Variants in PCDHA10 observed in about 807,000 individuals in gnomAD.
The protein encoded by PCDHA10 is protocadherin alpha-10.
A neutral mutation model predicts 61.2 loss-of-function variants in PCDHA10; 45 were observed. The observed-to-expected ratio is 0.74, with a 90% confidence interval of 0.58 to 0.94. The LOEUF (loss-of-function observed/expected upper bound fraction) is 0.94, where lower values mean the gene tolerates loss of function less well. Ranked by LOEUF, PCDHA10 falls within the 40% of genes least tolerant of loss-of-function variation. The pLI, the probability that PCDHA10 is intolerant of heterozygous loss-of-function variation, is 0.00. For missense variants in PCDHA10, 1,278 were observed against 1,236.2 expected (o/e 1.03, Z -0.51); for synonymous variants, 602 against 548.8 (o/e 1.10, Z -1.35).
intron 1 of PCDHA10, among the ~76,000 whole-genome samples, chr5:140,911,178 G>A (rs1227283843): frequency 1.3e-5 from 2 of 152,196 alleles, no homozygotes; most frequent in Non-Finnish European, 2.9e-5. Flanking sequence ...TGATGGCAGT[G>A]TGGGTTGGGG....
chr5:140,978,061 A>G (rs1307101965), intron 1 of PCDHA10, among the ~76,000 whole-genome samples: 1 of 152,202 alleles, frequency 6.6e-6, no homozygotes, highest in Non-Finnish European at 1.5e-5. Flanking sequence ...ATGATGTCCC[A>G]GTGATTTCTG....
chr5:140,887,769 T>A (rs1012351831), intron 1 of PCDHA10, among the ~76,000 whole-genome samples: 23 of 152,212 alleles, frequency 1.5e-4, no homozygotes, highest in African/African-American at 5.5e-4. Flanking sequence ...TATGTTACAA[T>A]GACACAGGTC....
At chr5:140,870,161 CCTT>C in intron 1 of PCDHA10, 2 of 1,614,124 alleles carry the variant, frequency 1.2e-6, no homozygotes, top group Non-Finnish European at 1.7e-6. Flanking sequence ...GCCGTGACTT[CCTT>C]GTCCCTCCCA....
intron 1 of PCDHA10, among the ~76,000 whole-genome samples, chr5:140,965,923 G>T (rs1418904178): frequency 1.3e-5 from 2 of 152,232 alleles, no homozygotes; most frequent in African/African-American, 4.8e-5. Context: ...TTTTAGGCTT[G>T]CTCCCGGAAA....
Position 140,895,899 on chromosome 5 carries a change from C to T in PCDHA10, c.2388+37463C>T, listed in dbSNP as rs181661173. Among the ~76,000 whole-genome samples, 21 of 152,308 alleles carry T rather than the reference C, an allele frequency of 1.4e-4. No homozygotes were observed. The East Asian group carries it at 2.5e-3, about 18-fold the overall frequency. ...CGATCTCGGCTCACTGCAACCTCCGCGTCCCGGGCTCAACAATTATCCTGC... is the reference window on the plus strand; with the variant it reads ...CGATCTCGGCTCACTGCAACCTCCGTGTCCCGGGCTCAACAATTATCCTGC... On this transcript the variant is annotated intron_variant, in intron 1 of 3. Transcript: ENST00000307360.
intron 3 of PCDHA10, among the ~76,000 whole-genome samples, chr5:141,003,468 C>T (rs2098126270): frequency 6.6e-6 from 1 of 152,066 alleles, no homozygotes; most frequent in Non-Finnish European, 1.5e-5. Context: ...TGCACCACCA[C>T]AGTCTCGCTA....
intron 3 of PCDHA10, among the ~76,000 whole-genome samples, chr5:140,994,862 G>A (rs1434007632): frequency 1.3e-5 from 2 of 152,174 alleles, no homozygotes; most frequent in African/African-American, 4.8e-5. Flanking sequence ...TTTGATGGAT[G>A]TGGTAGAATA....
chr5:140,866,304 A>G (rs898524631), intron 1 of PCDHA10: 16 of 152,138 alleles, frequency 1.1e-4, no homozygotes, highest in African/African-American at 3.6e-4. Flanking sequence ...AGATGTTGAT[A>G]TTATTATTTC....
intron 1 of PCDHA10, among the ~76,000 whole-genome samples, chr5:140,938,740 A>T (rs1308554709): frequency 1.3e-5 from 2 of 152,150 alleles, no homozygotes; most frequent in East Asian, 3.8e-4. Flanking sequence ...AAAAATAATT[A>T]TTTTTAAAGG....
chr5:140,882,868 G>A (rs1283664390), intron 1 of PCDHA10: 25 of 1,614,184 alleles, frequency 1.5e-5, no homozygotes, highest in Middle Eastern at 1.6e-4. Context: ...GGAAAACACT[G>A]GACAGAGAGG....
chr5:140,967,212 C>T, intron 1 of PCDHA10: 1 of 1,613,630 alleles, frequency 6.2e-7, no homozygotes, highest in Middle Eastern at 1.6e-4. Flanking sequence ...CCGCGTTTCC[C>T]GCGGCCCAAC....
At chr5:140,945,125 T>G (rs405192) in intron 1 of PCDHA10, among the ~76,000 whole-genome samples, 86,337 of 151,830 alleles carry the variant, frequency 0.57, 25,231 homozygotes, top group African/African-American at 0.71. Flanking sequence ...AAAAATCAAC[T>G]TACAAAAATC....
intron 1 of PCDHA10, chr5:140,930,181 T>C (rs1170637205): frequency 2.0e-5 from 3 of 152,216 alleles, no homozygotes; most frequent in African/African-American, 7.2e-5. Flanking sequence ...AGAGGAAAGA[T>C]GAGTAATTTT....
chr5:140,999,603 G>C (rs552647484), intron 3 of PCDHA10, among the ~76,000 whole-genome samples: 1 of 152,246 alleles, frequency 6.6e-6, no homozygotes, highest in South Asian at 2.1e-4. Flanking sequence ...TACATCCTGG[G>C]GGACCTTATC....
At chr5:140,862,919 T>C (rs782169280) in intron 1 of PCDHA10, 73 of 546,740 alleles carry the variant, frequency 1.3e-4, no homozygotes, top group Non-Finnish European at 2.4e-4. Flanking sequence ...GCGCCTTGGG[T>C]GGGCTGGCGG....
intron 1 of PCDHA10, chr5:140,876,047 C>T (rs1305657261): frequency 5.0e-6 from 8 of 1,613,744 alleles, no homozygotes; most frequent in Non-Finnish European, 6.8e-6. Context: ...AGTATATTGC[C>T]TGAATTAGTT....
At chr5:140,927,753 C>T (rs1435866827) in intron 1 of PCDHA10, 3 of 1,614,078 alleles carry the variant, frequency 1.9e-6, no homozygotes, top group Non-Finnish European at 2.5e-6. Flanking sequence ...TTCACGTGCA[C>T]CCTAAAAGTG....
At chr5:140,969,253 C>T in intron 1 of PCDHA10, 3 of 1,614,202 alleles carry the variant, frequency 1.9e-6, no homozygotes, top group Non-Finnish European at 2.5e-6. Flanking sequence ...TGACTGACAG[C>T]AGGAATCTCA....
intron 1 of PCDHA10, among the ~76,000 whole-genome samples, chr5:140,916,824 T>C (rs1207821220): frequency 6.6e-6 from 1 of 152,124 alleles, no homozygotes; most frequent in Non-Finnish European, 1.5e-5. Context: ...GCCACCCCTA[T>C]CCCTCTGGTT....
Sources: allele counts gnomAD v4.1 joint callset (sites outside exome capture counted in the v4.1 genomes callset), GRCh38; gene constraint gnomAD v4.1.1; transcripts MANE v1.5; gene names NCBI Gene and HGNC (gene_info 2026-07-23, HGNC 2026-07-21).